LAMA2: variants seen among roughly 807,000 people sequenced by gnomAD.
LAMA2 encodes laminin subunit alpha-2.
Under a neutral mutation model 364.8 loss-of-function variants are expected in LAMA2, and 269 were observed. That is an observed-to-expected ratio of 0.74 (90% CI 0.67 to 0.82). The LOEUF (loss-of-function observed/expected upper bound fraction) is 0.82. Ranked by LOEUF, LAMA2 falls within the 40% of genes least tolerant of loss-of-function variation. The pLI is 0.00. For synonymous variants in LAMA2, 1,379 were observed against 1,370.6 expected, an observed-to-expected ratio of 1.01 and a Z score of -0.14; for missense variants, 3,807 against 3,873.2, an observed-to-expected ratio of 0.98 and a Z score of 0.45.
chr6:129,022,673 C>G (rs1785516674), intron 1 of LAMA2, among the ~76,000 whole-genome samples: 5 of 152,104 alleles, frequency 3.3e-5, no homozygotes, highest in Admixed American at 3.3e-4. Flanking sequence ...AAAGCTTTTT[C>G]TAACATAACT....
chr6:129,252,319 A>T, intron 14 of LAMA2, 24 bp downstream of exon 14: 1 of 1,570,362 alleles, frequency 6.4e-7, no homozygotes, highest in Admixed American at 1.7e-5. Context: ...CTGCAGCTCC[A>T]ACGTTCACAC....
intron 4 of LAMA2, among the ~76,000 whole-genome samples, chr6:129,130,491 G>C (rs1333859141): frequency 2.6e-5 from 4 of 152,194 alleles, no homozygotes; most frequent in African/African-American, 9.7e-5. Flanking sequence ...CTCTTAATGA[G>C]CCTGTGTCTT....
chr6:129,025,400 A>C (rs1785741059), intron 1 of LAMA2, among the ~76,000 whole-genome samples: 1 of 152,182 alleles, frequency 6.6e-6, no homozygotes, highest in African/African-American at 2.4e-5. Flanking sequence ...AGCTCAAATC[A>C]TGAATTCTGT....
At chr6:129,480,696 G>A (rs999142328) in intron 54 of LAMA2, among the ~76,000 whole-genome samples, 61 of 152,034 alleles carry the variant, frequency 4.0e-4, no homozygotes, top group Non-Finnish European at 4.4e-4. Flanking sequence ...TTTATACTGA[G>A]CAAGGACAAT....
rs1381202041 is a variant in LAMA2, at chr6:129,312,852, C to T, written c.3175-9C>T. 6.3e-7 allele frequency: 1 copy of T among 1,598,984 alleles called. No individual in the cohort carries two copies. The highest frequency in any genetic ancestry group is 8.6e-7 in the Non-Finnish European group (1 of 1,166,288). On this transcript the variant is annotated splice_polypyrimidine_tract_variant and intron_variant, in intron 22 of 64. Transcript: ENST00000421865. ...GTGTTAATGGTTGCTGTTTTTATCTCCTCTATAGGCTTGTAACTGCAGCAC... is the reference window on the plus strand; with the variant it reads ...GTGTTAATGGTTGCTGTTTTTATCTTCTCTATAGGCTTGTAACTGCAGCAC...
chr6:128,908,524 CT>C (rs1247295886), intron 1 of LAMA2, among the ~76,000 whole-genome samples: 127 of 144,996 alleles, frequency 8.8e-4, no homozygotes, highest in African/African-American at 3.3e-3. Flanking sequence ...ATTCTTCTCT[CT>C]TTTTTTCTTT....
chr6:129,237,181 T>G (rs895767796), intron 12 of LAMA2, among the ~76,000 whole-genome samples: 2 of 152,224 alleles, frequency 1.3e-5, no homozygotes, highest in African/African-American at 2.4e-5. Context: ...CAAAGCCACA[T>G]TGTAGAGTGC....
chr6:129,097,129 A>T (rs1390644577), intron 3 of LAMA2, among the ~76,000 whole-genome samples: 1 of 152,190 alleles, frequency 6.6e-6, no homozygotes, highest in Non-Finnish European at 1.5e-5. Context: ...AGAGCTGCCA[A>T]GCTCTCATAC....
chr6:129,393,371 A>G, intron 37 of LAMA2, 116 bp downstream of exon 37: 1 of 801,960 alleles, frequency 1.2e-6, no homozygotes, highest in Non-Finnish European at 2.1e-6. Flanking sequence ...AAGAGTGACA[A>G]CTCTGAAAGG....
intron 49 of LAMA2, among the ~76,000 whole-genome samples, chr6:129,461,986 A>G (rs750952477): frequency 1.3e-5 from 2 of 152,004 alleles, no homozygotes; most frequent in Non-Finnish European, 2.9e-5. Context: ...GATTAAGGGC[A>G]TCATGATCTG....
chr6:129,458,849 T>C (rs1783102201), intron 48 of LAMA2, among the ~76,000 whole-genome samples: 1 of 152,032 alleles, frequency 6.6e-6, no homozygotes, highest in Non-Finnish European at 1.5e-5. Flanking sequence ...CAGTAACTGA[T>C]TTTACTATTT....
At chr6:128,927,460 C>A (rs1779168687) in intron 1 of LAMA2, among the ~76,000 whole-genome samples, 1 of 152,180 alleles carries the variant, frequency 6.6e-6, no homozygotes, top group Admixed American at 6.5e-5. Flanking sequence ...GTGACCTCTT[C>A]TGTGAGTAAG....
chr6:129,320,652 T>G lies in LAMA2; in HGVS notation c.4173T>G (p.Cys1391Trp). ...DCPLGYSGLS[C>W]EACLPGFYRL... ...CCCTGGGCTATTCTGGCCTGTCCTG[T>G]GAGGTAAGCTACCTCCTACTAACCT... Residue 1391 changes from cysteine (C) to tryptophan (W), a missense_variant, in exon 28 of 65, where the codon TGT becomes TGG. By Grantham distance (215) the Cys-to-Trp change is radical. Transcript: ENST00000421865. The G allele has an allele frequency of 6.4e-7, 1 of 1,569,160 alleles. No homozygotes were observed. Among genetic ancestry groups the G allele is most frequent in the Non-Finnish European group, 8.8e-7 (1 of 1,139,038 alleles).
chr6:129,102,400 GCTAGGAT>G (rs970221069), intron 4 of LAMA2, among the ~76,000 whole-genome samples: 2 of 151,822 alleles, frequency 1.3e-5, no homozygotes, highest in African/African-American at 2.4e-5. Flanking sequence ...CTCCCAAAGT[GCTAGGAT>G]TACAGGCATG....
chr6:129,056,794 G>A (rs1788518608), intron 2 of LAMA2, among the ~76,000 whole-genome samples: 1 of 152,084 alleles, frequency 6.6e-6, no homozygotes, highest in African/African-American at 2.4e-5. Context: ...GCAATGGCGT[G>A]ATCTTGGCTC....
intron 1 of LAMA2, among the ~76,000 whole-genome samples, chr6:129,045,398 G>C (rs187644462): frequency 9.4e-4 from 143 of 152,232 alleles, no homozygotes; most frequent in Middle Eastern, 3.4e-3. Flanking sequence ...CCAGATTTTG[G>C]TTCTACTTTA....
chr6:129,103,271 C>T (rs1186735382), intron 4 of LAMA2, among the ~76,000 whole-genome samples: 1 of 152,094 alleles, frequency 6.6e-6, no homozygotes, highest in Non-Finnish European at 1.5e-5. Context: ...TAAATAGAAG[C>T]GAAGTTGCAC....
chr6:129,509,343 A>G (rs1296071268), intron 62 of LAMA2, among the ~76,000 whole-genome samples: 4 of 152,132 alleles, frequency 2.6e-5, no homozygotes, highest in Non-Finnish European at 5.9e-5. Context: ...TGCTGTGCAG[A>G]AGCTTTTTAA....
intron 45 of LAMA2, among the ~76,000 whole-genome samples, chr6:129,449,324 T>A (rs1197445912): frequency 6.6e-6 from 1 of 152,164 alleles, no homozygotes; most frequent in Admixed American, 6.5e-5. Flanking sequence ...AAGATCAAGA[T>A]GCTGGCAGGT....
Sources: allele counts gnomAD v4.1 joint callset (sites outside exome capture counted in the v4.1 genomes callset), GRCh38; gene constraint gnomAD v4.1.1; transcripts MANE v1.5; gene names NCBI Gene and HGNC (gene_info 2026-07-23, HGNC 2026-07-21).